Variants in GULP1 observed in about 807,000 individuals in gnomAD.
GULP1 encodes GULP PTB domain containing engulfment adaptor 1, also known as PTB domain-containing engulfment adapter protein 1.
GULP1 carries 19 observed loss-of-function variants against 40.9 expected under a neutral mutation model. That is an observed-to-expected ratio of 0.46 (90% CI 0.32 to 0.68). The LOEUF (loss-of-function observed/expected upper bound fraction) is 0.68. GULP1 is among the 30% of genes least tolerant of loss of function. GULP1 has a pLI of 0.03. For synonymous variants in GULP1, 119 were observed against 117.6 expected (o/e 1.01, Z -0.08); for missense variants, 312 against 362.2 (o/e 0.86, Z 1.12).
intron 1 of GULP1, among the ~76,000 whole-genome samples, chr2:188,296,181 A>G (rs1307728647): frequency 6.6e-6 from 1 of 152,104 alleles, no homozygotes; most frequent in African/African-American, 2.4e-5. Context: ...GCTTTTTCCC[A>G]TAAGAGCATA....
At chr2:188,586,448 C>T (rs1029292564) in intron 10 of GULP1, among the ~76,000 whole-genome samples, 8 of 152,180 alleles carry the variant, frequency 5.3e-5, no homozygotes, top group Non-Finnish European at 8.8e-5. Flanking sequence ...GAAACCAGGA[C>T]ATTTCTCCAG....
chr2:188,313,790 TTTTA>T (rs886675875), intron 1 of GULP1, among the ~76,000 whole-genome samples: 2 of 152,116 alleles, frequency 1.3e-5, no homozygotes, highest in African/African-American at 4.8e-5. Flanking sequence ...TTTATTTCTC[TTTTA>T]TTTATTTTAT....
chr2:188,420,611 A>G (rs1008253856), intron 2 of GULP1, among the ~76,000 whole-genome samples: 3 of 152,158 alleles, frequency 2.0e-5, no homozygotes, highest in Non-Finnish European at 2.9e-5. Flanking sequence ...GTCAGAATAG[A>G]ATTTATTGAA....
chr2:188,432,179 A>AT (rs2056945069), intron 2 of GULP1, among the ~76,000 whole-genome samples: 2 of 151,690 alleles, frequency 1.3e-5, no homozygotes, highest in Non-Finnish European at 3.0e-5. Context: ...CTTCGTATGT[A>AT]TTTTTTAAAA....
chr2:188,589,862 G>C, intron 11 of GULP1: 1 of 488,454 alleles, frequency 2.0e-6, no homozygotes, highest in Non-Finnish European at 3.6e-6. Context: ...CTTCATATGG[G>C]TATATCTGAT....
intron 2 of GULP1, among the ~76,000 whole-genome samples, chr2:188,436,508 G>A (rs1481288052): frequency 1.3e-5 from 2 of 151,868 alleles, no homozygotes; most frequent in Admixed American, 1.3e-4. Context: ...ATAGAAACAT[G>A]TTCATGTCTC....
chr2:188,342,486 ACAT>A (rs2043104693), intron 1 of GULP1, among the ~76,000 whole-genome samples: 1 of 152,186 alleles, frequency 6.6e-6, no homozygotes, highest in Non-Finnish European at 1.5e-5. Flanking sequence ...CTTATGAAGT[ACAT>A]CTACAAAGAG....
At chr2:188,498,652 A>G (rs2063130938) in intron 4 of GULP1, among the ~76,000 whole-genome samples, 1 of 151,878 alleles carries the variant, frequency 6.6e-6, no homozygotes, top group African/African-American at 2.4e-5. Context: ...AAAGGCATCA[A>G]ATGTTCTATA....
intron 1 of GULP1, among the ~76,000 whole-genome samples, chr2:188,340,222 G>A (rs186297653): frequency 2.2e-4 from 34 of 152,178 alleles, no homozygotes; most frequent in African/African-American, 7.7e-4. Flanking sequence ...ATGATGTTAG[G>A]TCATTTTCAT....
chr2:188,570,365 G>C (rs895711831), intron 9 of GULP1, among the ~76,000 whole-genome samples: 1 of 152,160 alleles, frequency 6.6e-6, no homozygotes, highest in East Asian at 1.9e-4. Context: ...CCTCAGGTTA[G>C]TCTTAAGTTT....
Position 188,435,419 on chromosome 2 carries a change from A to G in GULP1, c.-44-42240A>G, listed in dbSNP as rs573942679. On this transcript the variant is annotated intron_variant, in intron 2 of 11. Transcript: ENST00000409830. ...TTTCTCCAACACTGATGCCGCTACC[A>G]TGAGTGTCTTCTGACTATTAATGGC... is the stretch of plus-strand genomic sequence containing the variant. Among the ~76,000 whole-genome samples, 23 of 152,174 alleles carry G rather than the reference A, an allele frequency of 1.5e-4. No homozygotes were observed. In the South Asian group the frequency reaches 4.6e-3, roughly 30 times the overall value.
At chr2:188,304,231 G>A (rs755312654) in intron 1 of GULP1, among the ~76,000 whole-genome samples, 5 of 152,076 alleles carry the variant, frequency 3.3e-5, no homozygotes, top group Non-Finnish European at 7.4e-5. Flanking sequence ...ATCAGATAAA[G>A]TAAAAATAGC....
rs375030597 is a variant in GULP1 at position 188,297,674 on chromosome 2, A to G, written c.-172+5508A>G. The G allele has an allele frequency of 2.7e-4, 87 of 325,744 alleles. 1 individual carries two copies. Among genetic ancestry groups the G allele is most frequent in the African/African-American group, 1.8e-3 (79 of 43,336 alleles). The allele number at this position is 325,744 out of a possible 1,614,324, so 20.2% of individuals were successfully genotyped here. On this transcript the variant is annotated intron_variant, in intron 1 of 11. Coordinates refer to ENST00000409830, the MANE Select transcript of GULP1 (RefSeq NM_016315.4). Reference sequence around the variant, plus strand: ...CTACCCTCTTATAGAAATAAAGACAATCATTTCAGAGCATACATAATCTAC... The same window carrying G: ...CTACCCTCTTATAGAAATAAAGACAGTCATTTCAGAGCATACATAATCTAC...
intron 4 of GULP1, among the ~76,000 whole-genome samples, chr2:188,490,549 A>G (rs949566414): frequency 3.9e-5 from 6 of 152,092 alleles, no homozygotes; most frequent in Non-Finnish European, 5.9e-5. Context: ...AGTAAAGTCT[A>G]TGTATTAGCC....
At chr2:188,473,732 A>G (rs947839284) in intron 2 of GULP1, among the ~76,000 whole-genome samples, 2 of 151,900 alleles carry the variant, frequency 1.3e-5, no homozygotes, top group African/African-American at 4.8e-5. Flanking sequence ...CCAGTTTTGG[A>G]ATCAGCAACC....
At chr2:188,458,849 C>T (rs534269608) in intron 2 of GULP1, among the ~76,000 whole-genome samples, 11 of 152,240 alleles carry the variant, frequency 7.2e-5, no homozygotes, top group African/African-American at 2.6e-4. Context: ...TCCCTACACT[C>T]TGCTTCCCAT....
At chr2:188,395,994 C>T (rs1284220201) in intron 2 of GULP1, among the ~76,000 whole-genome samples, 2 of 152,130 alleles carry the variant, frequency 1.3e-5, no homozygotes, top group African/African-American at 4.8e-5. Flanking sequence ...CATGATTAGC[C>T]AGGGTGTTGC....
intron 4 of GULP1, among the ~76,000 whole-genome samples, chr2:188,517,718 C>T (rs906327834): frequency 5.3e-5 from 8 of 152,028 alleles, no homozygotes; most frequent in African/African-American, 9.7e-5. Flanking sequence ...TTGTTTTCCT[C>T]GGTCTGTTTT....
At chr2:188,547,480 T>C (rs7560857) in intron 7 of GULP1, among the ~76,000 whole-genome samples, 3,006 of 152,162 alleles carry the variant, frequency 0.02, 96 homozygotes, top group African/African-American at 0.069. Context: ...GCTGAAAAAC[T>C]TGAAGTCCAA....
Sources: allele counts gnomAD v4.1 joint callset (sites outside exome capture counted in the v4.1 genomes callset), GRCh38; gene constraint gnomAD v4.1.1; transcripts MANE v1.5; gene names NCBI Gene and HGNC (gene_info 2026-07-23, HGNC 2026-07-21).